Variants in PRICKLE1 observed in about 807,000 individuals in gnomAD.
The protein encoded by PRICKLE1 is prickle planar cell polarity protein 1, also known as prickle-like protein 1.
In PRICKLE1, 14 loss-of-function variants were observed where a neutral mutation model predicts 70.2. That is an observed-to-expected ratio of 0.20 (90% CI 0.13 to 0.31). The LOEUF (loss-of-function observed/expected upper bound fraction) is 0.31, where lower values mean the gene tolerates loss of function less well. Ranked by LOEUF, PRICKLE1 falls within the 10% of genes least tolerant of loss-of-function variation. The pLI, the probability that PRICKLE1 is intolerant of heterozygous loss-of-function variation, is 1.00. For synonymous variants in PRICKLE1, 357 were observed against 379.9 expected (o/e 0.94, Z 0.70); for missense variants, 821 against 1,026.2 (o/e 0.80, Z 2.73).
chr12:42,474,026 C>A (rs928791320), intron 1 of PRICKLE1, among the ~76,000 whole-genome samples: 3 of 152,188 alleles, frequency 2.0e-5, no homozygotes, highest in African/African-American at 7.2e-5. Flanking sequence ...GTAATCCCAG[C>A]ACTTTGGGAG....
rs546358657 is a variant in PRICKLE1 at position 42,491,972 on chromosome 12, G to T, written c.-48-19408C>A. ...CTAATTTTTTTGTATTTTTAGTAGA[G>T]ACGGGTTTTCACTATATTGGTCAGG... On this transcript the variant is annotated intron_variant, in intron 1 of 7. Transcript: ENST00000345127. Among the ~76,000 whole-genome samples the T allele has an allele frequency of 4.5e-3, 684 of 151,912 alleles. 1 individual carries two copies. Among genetic ancestry groups the T allele is most frequent in the Non-Finnish European group, 7.9e-3 (540 of 67,960 alleles).
chr12:42,477,356 G>C (rs776272950), intron 1 of PRICKLE1, among the ~76,000 whole-genome samples: 1 of 150,844 alleles, frequency 6.6e-6, no homozygotes, highest in Non-Finnish European at 1.5e-5. Context: ...TGGGCAACAA[G>C]AGCAAAACTC....
intron 1 of PRICKLE1, among the ~76,000 whole-genome samples, chr12:42,570,819 C>CTAAA (rs1294354910): frequency 6.6e-6 from 1 of 152,002 alleles, no homozygotes; most frequent in African/African-American, 2.4e-5. Context: ...AACTCTGTCT[C>CTAAA]TAAATAAATA....
intron 1 of PRICKLE1, among the ~76,000 whole-genome samples, chr12:42,571,118 T>C (rs962225889): frequency 3.9e-5 from 6 of 152,142 alleles, no homozygotes; most frequent in East Asian, 1.9e-4. Flanking sequence ...TCCCCTCAAA[T>C]TGCCTGTCAA....
intron 1 of PRICKLE1, among the ~76,000 whole-genome samples, chr12:42,520,660 C>T (rs1939694060): frequency 6.6e-6 from 1 of 152,206 alleles, no homozygotes; most frequent in Admixed American, 6.5e-5. Flanking sequence ...TACACTTACA[C>T]TTCAAACAAA....
At chr12:42,573,427 T>C (rs1388156508) in intron 1 of PRICKLE1, among the ~76,000 whole-genome samples, 1 of 152,160 alleles carries the variant, frequency 6.6e-6, no homozygotes, top group Non-Finnish European at 1.5e-5. Context: ...GATTATACCA[T>C]CAGTTCTCTT....
chr12:42,476,496 A>C (rs1285107046), intron 1 of PRICKLE1, among the ~76,000 whole-genome samples: 4 of 150,192 alleles, frequency 2.7e-5, no homozygotes, highest in African/African-American at 9.9e-5. Context: ...TTGTATTTTT[A>C]GTAGAGACGG....
chr12:42,579,878 A>T (rs1033355441), intron 1 of PRICKLE1, among the ~76,000 whole-genome samples: 5 of 145,412 alleles, frequency 3.4e-5, no homozygotes, highest in African/African-American at 5.2e-5. Flanking sequence ...AGTTTATATT[A>T]TTTTTTTTTT....
intron 1 of PRICKLE1, among the ~76,000 whole-genome samples, chr12:42,489,302 CAATATACTAA>C (rs1939047930): frequency 6.6e-6 from 1 of 151,442 alleles, no homozygotes; most frequent in South Asian, 2.1e-4. Context: ...GACAGGGTCT[CAATATACTAA>C]AATATACTAC....
intron 1 of PRICKLE1, among the ~76,000 whole-genome samples, chr12:42,567,389 C>A (rs975666017): frequency 7.2e-5 from 11 of 152,162 alleles, no homozygotes; most frequent in Admixed American, 2.6e-4. Flanking sequence ...CAGATTATTT[C>A]TGGAGTATTT....
intron 1 of PRICKLE1, among the ~76,000 whole-genome samples, chr12:42,531,321 C>T (rs1258650638): frequency 6.6e-6 from 1 of 152,192 alleles, no homozygotes; most frequent in African/African-American, 2.4e-5. Flanking sequence ...GCTGGGATTA[C>T]AGGCGTGAGC....
chr12:42,482,552 C>T (rs1034622774), intron 1 of PRICKLE1, among the ~76,000 whole-genome samples: 1 of 152,214 alleles, frequency 6.6e-6, no homozygotes, highest in Admixed American at 6.5e-5. Flanking sequence ...TCAGGTTTCG[C>T]CCCGTCACCT....
chr12:42,584,834 C>T (rs376134871), intron 1 of PRICKLE1, among the ~76,000 whole-genome samples: 1 of 152,100 alleles, frequency 6.6e-6, no homozygotes, highest in African/African-American at 2.4e-5. Flanking sequence ...AGTCTACTTA[C>T]GGGTCTGCAT....
chr12:42,464,763 T>C lies in PRICKLE1; in HGVS notation c.1271A>G (p.Asp424Gly), dbSNP rs1938019653. 5.0e-6 allele frequency: 8 copies of C among 1,614,148 alleles called. No homozygotes were observed. Among genetic ancestry groups the C allele is most frequent in the Non-Finnish European group, 6.8e-6 (8 of 1,180,030 alleles). ...YMTQLLLKFG[D>G]KSLFQPQPNE... ...GGGCTGTGGCTGAAAGAGGCTTTTA[T>C]CACCAAACTTGAGGAGGAGCTGCGT... is the stretch of plus-strand genomic sequence containing the variant. Residue 424 changes from aspartate to glycine, a missense_variant, in exon 7 of 8, where the codon GAT (aspartate) becomes GGT (glycine). By Grantham distance (94) the Asp-to-Gly change is moderately conservative. Coordinates refer to ENST00000345127, the MANE Select transcript of PRICKLE1 (RefSeq NM_153026.3). This position sits in a 1 kb window ranked among gnomAD's most constrained non-coding sequence, Gnocchi z 4.2.
intron 1 of PRICKLE1, among the ~76,000 whole-genome samples, chr12:42,519,144 C>T (rs1309001391): frequency 2.0e-5 from 3 of 151,510 alleles, no homozygotes; most frequent in Non-Finnish European, 4.4e-5. Context: ...TAGGGAACTA[C>T]CTGTTCCCTC....
intron 1 of PRICKLE1, among the ~76,000 whole-genome samples, chr12:42,516,467 T>G (rs1939614481): frequency 2.0e-5 from 3 of 152,322 alleles, no homozygotes; most frequent in South Asian, 4.1e-4. Context: ...AGAGTTCCTG[T>G]GTCCATGAAG....
In PRICKLE1 at chr12:42,459,224, G is replaced by A; in HGVS notation, c.*585C>T. ...AAATTAGGAATACACTTAAGTCTATGAAATACTAAGTTATAAATAGCAATG... is the reference window on the plus strand; with the variant it reads ...AAATTAGGAATACACTTAAGTCTATAAAATACTAAGTTATAAATAGCAATG... On this transcript the variant is annotated 3_prime_UTR_variant, in exon 8 of 8. Transcript: ENST00000345127. The A allele has an allele frequency of 1.4e-6, 1 of 694,614 alleles. No individual in the cohort carries two copies. The highest frequency in any genetic ancestry group is 1.5e-5 in the South Asian group (1 of 66,912). The allele number at this position is 694,614 out of a possible 1,614,324, so 43.0% of individuals were successfully genotyped here.
chr12:42,491,770 A>G (rs1278169135), intron 1 of PRICKLE1, among the ~76,000 whole-genome samples: 1 of 148,380 alleles, frequency 6.7e-6, no homozygotes, highest in Non-Finnish European at 1.5e-5. Context: ...AATAATAGAC[A>G]CTGCTCCATC....
intron 5 of PRICKLE1, 39 bp downstream of exon 5, chr12:42,468,587 C>T: frequency 6.3e-7 from 1 of 1,584,798 alleles, no homozygotes; most frequent in East Asian, 2.2e-5. Flanking sequence ...TTAATCTAAG[C>T]TTATTTTTCC....
Sources: gnomAD v4.1 joint callset for allele counts (sites outside exome capture counted in the v4.1 genomes callset) on GRCh38, gnomAD v4.1.1 for gene constraint, Gnocchi (gnomAD v3.1) non-coding constraint, MANE v1.5 for transcripts, NCBI Gene and HGNC (gene_info 2026-07-23, HGNC 2026-07-21) for gene names.